Variants in EFHB observed in about 807,000 individuals in gnomAD.
EFHB encodes the protein EF-hand domain family member B.
In EFHB, 91 loss-of-function variants were observed where a neutral mutation model predicts 87.2. That is an observed-to-expected ratio of 1.04 (90% CI 0.88 to 1.24). EFHB has a LOEUF of 1.24. Ranked by LOEUF, EFHB falls within the 50% of genes most tolerant of loss-of-function variation. The pLI is 0.00. For synonymous variants in EFHB, 325 were observed against 333.6 expected, an observed-to-expected ratio of 0.97 and a Z score of 0.28; for missense variants, 1,084 against 998.8, an observed-to-expected ratio of 1.09 and a Z score of -1.15.
chr3:19,908,598 G>GAAAGAAAGAAAGAAAGAA (rs59547593), intron 5 of EFHB, among the ~76,000 whole-genome samples: 1 of 77,796 alleles, frequency 1.3e-5, no homozygotes, highest in Non-Finnish European at 2.4e-5. Context: ...GAGAGAGAGA[G>GAAAGAAAGAAAGAAAGAA]AGAAAGAAAG....
intron 9 of EFHB, among the ~76,000 whole-genome samples, chr3:19,889,524 T>C (rs1367229195): frequency 1.3e-5 from 2 of 152,136 alleles, no homozygotes; most frequent in Non-Finnish European, 2.9e-5. Flanking sequence ...TTTAAGCTCT[T>C]ACTGCCCAGG....
intron 6 of EFHB, among the ~76,000 whole-genome samples, chr3:19,901,582 G>A (rs926553911): frequency 3.3e-5 from 5 of 152,164 alleles, no homozygotes; most frequent in African/African-American, 1.2e-4. Context: ...CGGGGGGGAA[G>A]AATGTAGGTG....
At chr3:19,917,545 TGGTAAGA>T (rs1695276028) in intron 4 of EFHB, among the ~76,000 whole-genome samples, 1 of 152,108 alleles carries the variant, frequency 6.6e-6, no homozygotes, top group Non-Finnish European at 1.5e-5. Flanking sequence ...AGATCTCCTA[TGGTAAGA>T]CTCCTAGAGG....
chr3:19,882,047 A>ATAATTAAT (rs1473239160), intron 12 of EFHB, among the ~76,000 whole-genome samples: 29 of 102,104 alleles, frequency 2.8e-4, no homozygotes, highest in Middle Eastern at 4.0e-3. Context: ...AAATAAATAA[A>ATAATTAAT]TAAATAAATA....
intron 9 of EFHB, among the ~76,000 whole-genome samples, chr3:19,891,095 A>C (rs185637988): frequency 1.1e-4 from 17 of 151,850 alleles, no homozygotes; most frequent in African/African-American, 3.9e-4. Flanking sequence ...GAGACAGGCT[A>C]TCAATCAGTT....
chr3:19,934,767 C>A (rs1293306407), upstream of EFHB, among the ~76,000 whole-genome samples: 1 of 152,144 alleles, frequency 6.6e-6, no homozygotes, highest in Non-Finnish European at 1.5e-5. Context: ...GTCCAAGTAC[C>A]TCCGCCCTGC....
intron 12 of EFHB, among the ~76,000 whole-genome samples, chr3:19,882,136 C>G (rs148940903): frequency 1.4e-3 from 207 of 152,166 alleles, no homozygotes; most frequent in African/African-American, 4.5e-3. Flanking sequence ...ATGCTTGTCA[C>G]AGATAATCTG....
chr3:19,929,027 A>T (rs1337983728), intron 1 of EFHB, among the ~76,000 whole-genome samples: 3 of 152,212 alleles, frequency 2.0e-5, no homozygotes, highest in African/African-American at 7.2e-5. Context: ...ATTATAAGTT[A>T]AAGAAACATA....
upstream of EFHB, chr3:19,936,114 T>C: frequency 7.1e-7 from 1 of 1,405,576 alleles, no homozygotes; most frequent in Non-Finnish European, 9.3e-7. Context: ...TTTAAAAGTG[T>C]GTAGGGGTCT....
At chr3:19,896,192 AG>A (rs1214961555) in intron 9 of EFHB, among the ~76,000 whole-genome samples, 2 of 152,188 alleles carry the variant, frequency 1.3e-5, no homozygotes, top group Non-Finnish European at 2.9e-5. Context: ...AGCACACTGC[AG>A]TTTAATAATC....
intron 12 of EFHB, among the ~76,000 whole-genome samples, chr3:19,880,068 T>C (rs2291411): frequency 0.85 from 129,512 of 151,906 alleles, 56,418 homozygotes; most frequent in African/African-American, 0.94. Context: ...TATAAAGTTA[T>C]TTTCAACTTT....
chr3:19,937,297 A>T (rs1575056035), upstream of EFHB, among the ~76,000 whole-genome samples: 1 of 152,212 alleles, frequency 6.6e-6, no homozygotes, highest in Admixed American at 6.5e-5. Flanking sequence ...TCCATTTGCA[A>T]TACAGTGTTT....
chr3:19,930,930 G>A lies in EFHB; in HGVS notation c.789+2300C>T, dbSNP rs901134474. Among the ~76,000 whole-genome samples the A allele has an allele frequency of 2.0e-5, 3 of 152,134 alleles. No individual in the cohort carries two copies. In the East Asian group the frequency reaches 5.8e-4, roughly 29 times the overall value. ...GGCCGAACACTTGAGGTCAGGAGTA[G>A]GGGACCAGCCTGGCCAACATGGCGA... On this transcript the variant is annotated intron_variant, in intron 1 of 12. Transcript: ENST00000295824.
At chr3:19,930,570 G>C (rs1260294825) in intron 1 of EFHB, among the ~76,000 whole-genome samples, 1 of 152,054 alleles carries the variant, frequency 6.6e-6, no homozygotes, top group African/African-American at 2.4e-5. Context: ...TTCTAACAAT[G>C]TTGGTAATTT....
chr3:19,926,046 C>A (rs1264956704), intron 1 of EFHB, among the ~76,000 whole-genome samples: 2 of 152,120 alleles, frequency 1.3e-5, no homozygotes, highest in Non-Finnish European at 2.9e-5. Context: ...CAAAATAAAT[C>A]TTTTTACCTG....
At chr3:19,945,032 A>G (rs1696238579) in intron 1 of EFHB, among the ~76,000 whole-genome samples, 1 of 152,258 alleles carries the variant, frequency 6.6e-6, no homozygotes, top group African/African-American at 2.4e-5. Context: ...AATTACAGAA[A>G]AAATAATAAT....
upstream of EFHB, among the ~76,000 whole-genome samples, chr3:19,939,067 C>T (rs1696088087): frequency 6.6e-6 from 1 of 152,028 alleles, no homozygotes; most frequent in African/African-American, 2.4e-5. Flanking sequence ...CCACCATGCC[C>T]AGCTAATTTT....
chr3:19,940,892 G>A (rs1575058753), intron 1 of EFHB: 2 of 348,784 alleles, frequency 5.7e-6, no homozygotes, highest in East Asian at 7.3e-5. Context: ...TGTCAGAGTA[G>A]GTAGTGAAGG....
chr3:19,935,932 C>G (rs1433138366), upstream of EFHB, among the ~76,000 whole-genome samples: 2 of 142,574 alleles, frequency 1.4e-5, no homozygotes, highest in Non-Finnish European at 3.0e-5. Context: ...ATCGCTTGAA[C>G]CTGGGAGGCG....
Sources: allele counts gnomAD v4.1 joint callset (sites outside exome capture counted in the v4.1 genomes callset), GRCh38; gene constraint gnomAD v4.1.1; transcripts MANE v1.5; gene names NCBI Gene and HGNC (gene_info 2026-07-23, HGNC 2026-07-21).